The following PPFIBP2 variants were observed in gnomAD, a reference collection of about 807,000 sequenced individuals.
PPFIBP2 encodes PPFIB scaffold protein 2.
Under a neutral mutation model 118.3 loss-of-function variants are expected in PPFIBP2, and 118 were observed. The ratio of observed to expected loss-of-function variants is 1.00; its 90% CI spans 0.86 to 1.16. PPFIBP2 has a LOEUF of 1.16. PPFIBP2 is among the 50% of genes most tolerant of loss of function. The pLI is 0.00. For missense variants in PPFIBP2, 1,195 were observed against 1,073.1 expected, an observed-to-expected ratio of 1.11 and a Z score of -1.59; for synonymous variants, 414 against 397.4, an observed-to-expected ratio of 1.04 and a Z score of -0.50.
intron 23 of PPFIBP2, among the ~76,000 whole-genome samples, chr11:7,652,087 C>G (rs938736865): frequency 1.3e-5 from 2 of 152,260 alleles, no homozygotes; most frequent in African/African-American, 4.8e-5. Context: ...CAGGAAGCAC[C>G]TATCCTCAGG....
intron 12 of PPFIBP2, among the ~76,000 whole-genome samples, chr11:7,633,767 G>A (rs1190873404): frequency 6.6e-6 from 1 of 152,200 alleles, no homozygotes; most frequent in Non-Finnish European, 1.5e-5. Flanking sequence ...TGGTTTATGA[G>A]TTCACTGAGG....
chr11:7,516,340 G>A (rs892062882), intron 1 of PPFIBP2, among the ~76,000 whole-genome samples: 2 of 152,150 alleles, frequency 1.3e-5, no homozygotes, highest in Admixed American at 1.3e-4. Flanking sequence ...AGACTTCGGA[G>A]AGATAGAATC....
At chr11:7,629,357 G>T in intron 9 of PPFIBP2, 102 bp from the exon 10 acceptor site, 2 of 1,148,838 alleles carry the variant, frequency 1.7e-6, no homozygotes, top group East Asian at 2.4e-5. Flanking sequence ...TTCCACGTGG[G>T]ATTTCTTCTC....
chr11:7,653,138 G>T lies in PPFIBP2; in HGVS notation c.2551G>T (p.Val851Phe), dbSNP rs745716640. 2 of 1,614,228 alleles carry T rather than the reference G, an allele frequency of 1.2e-6. No individual in the cohort carries two copies. The highest frequency in any genetic ancestry group is 1.1e-5 in the South Asian group (1 of 91,088). Reference protein sequence around the residue: ...PSDGVSDSHRVYSGYRGLSPL... With the variant: ...PSDGVSDSHRFYSGYRGLSPL... ...TGACGGTGTCAGTGATAGTCACAGG[G>T]TCTACAGTGGCTACCGGGGCCTCAG... The change falls in exon 24 of 24, where the codon GTC becomes TTC. Residue 851 changes from valine to phenylalanine, a missense_variant. Val to Phe is a conservative substitution (Grantham distance 50). Transcript: ENST00000299492.
At chr11:7,665,499 G>A in the PPFIBP2 span, 1 of 1,613,820 alleles carries the variant, frequency 6.2e-7, no homozygotes, top group Non-Finnish European at 8.5e-7. Context: ...GGAGGAAGGT[G>A]CTCCTTGATC....
chr11:7,663,741 C>T, the PPFIBP2 span, among the ~76,000 whole-genome samples: 1 of 152,242 alleles, frequency 6.6e-6, no homozygotes, highest in Non-Finnish European at 1.5e-5. Flanking sequence ...GCGCCCCTCC[C>T]CCAGCCTCGC....
intron 3 of PPFIBP2, among the ~76,000 whole-genome samples, chr11:7,567,937 A>G (rs1200245483): frequency 2.0e-5 from 3 of 152,200 alleles, no homozygotes; most frequent in Admixed American, 1.3e-4. Context: ...CTGGAGACTC[A>G]GTTGAATTAT....
chr11:7,569,618 T>G (rs1404093583), intron 3 of PPFIBP2, among the ~76,000 whole-genome samples: 1 of 152,178 alleles, frequency 6.6e-6, no homozygotes, highest in Non-Finnish European at 1.5e-5. Context: ...TCTTGGGGTC[T>G]AAGATGGGCT....
chr11:7,565,448 C>A (rs1854854925), intron 2 of PPFIBP2, 105 bp from the exon 3 acceptor site: 1 of 1,202,546 alleles, frequency 8.3e-7, no homozygotes, highest in Admixed American at 1.8e-5. Flanking sequence ...CCCCCAGCTT[C>A]TTATCTGTCC....
At chr11:7,548,429 G>A (rs543558001) in intron 1 of PPFIBP2, 1 of 152,364 alleles carries the variant, frequency 6.6e-6, no homozygotes, top group East Asian at 1.9e-4. Context: ...GTTCTCCACA[G>A]CGTGTATGGC....
Position 7,653,564 on chromosome 11 carries a change from C to T in PPFIBP2, c.*346C>T, listed in dbSNP as rs920863833. 1.5e-5 allele frequency: 20 copies of T among 1,311,610 alleles called. No homozygotes were observed. Among genetic ancestry groups the T allele is most frequent in the Non-Finnish European group, 2.0e-5 (20 of 1,004,168 alleles). The allele number at this position is 1,311,610 out of a possible 1,614,324, so 81.2% of individuals were successfully genotyped here. ...AGACCATGGACACTCCCACGAGGCT[C>T]AGCTCTCAGGCACCCCCTACACTTC... On this transcript the variant is annotated 3_prime_UTR_variant, in exon 24 of 24. Coordinates refer to ENST00000299492, the MANE Select transcript of PPFIBP2 (RefSeq NM_003621.5).
intron 6 of PPFIBP2, among the ~76,000 whole-genome samples, chr11:7,619,564 G>A (rs779271188): frequency 2.6e-5 from 4 of 152,222 alleles, no homozygotes; most frequent in Non-Finnish European, 4.4e-5. Context: ...GTTGCTTTGA[G>A]AGGAGCAAGA....
chr11:7,656,417 T>C (rs1351635397), downstream of PPFIBP2, among the ~76,000 whole-genome samples: 1 of 152,214 alleles, frequency 6.6e-6, no homozygotes, highest in East Asian at 1.9e-4. Flanking sequence ...CCAAACAGGA[T>C]CAGTTTTACT....
At chr11:7,622,603 CA>C (rs1295774277) in intron 7 of PPFIBP2, among the ~76,000 whole-genome samples, 1 of 152,102 alleles carries the variant, frequency 6.6e-6, no homozygotes, top group Non-Finnish European at 1.5e-5. Flanking sequence ...AACCATTTTA[CA>C]GATAATGAAA....
chr11:7,587,315 C>G (rs1276574939), intron 3 of PPFIBP2, among the ~76,000 whole-genome samples: 1 of 152,188 alleles, frequency 6.6e-6, no homozygotes, highest in Non-Finnish European at 1.5e-5. Flanking sequence ...TTAGGACTGA[C>G]AGCCCTGTCT....
intron 6 of PPFIBP2, among the ~76,000 whole-genome samples, chr11:7,615,541 G>C (rs1256210602): frequency 6.6e-6 from 1 of 152,180 alleles, no homozygotes; most frequent in Non-Finnish European, 1.5e-5. Flanking sequence ...CACACAAGGG[G>C]CAGTAATGGA....
downstream of PPFIBP2, among the ~76,000 whole-genome samples, chr11:7,654,419 A>G (rs1241536294): frequency 1.3e-5 from 2 of 152,160 alleles, no homozygotes; most frequent in East Asian, 3.8e-4. Context: ...GAAGAGTAAC[A>G]CCACGTCACC....
chr11:7,662,900 A>G, the PPFIBP2 span, among the ~76,000 whole-genome samples: 487 of 137,234 alleles, frequency 3.5e-3, 1 homozygote, highest in Non-Finnish European at 5.5e-3. Flanking sequence ...CTTTTATTTC[A>G]TCTTCCATCA....
At chr11:7,556,958 G>A (rs1397826452) in intron 2 of PPFIBP2, among the ~76,000 whole-genome samples, 2 of 152,216 alleles carry the variant, frequency 1.3e-5, no homozygotes, top group Non-Finnish European at 2.9e-5. Flanking sequence ...GACTCAGTGA[G>A]TGTCTTTAAG....
Sources: gnomAD v4.1 joint callset for allele counts (sites outside exome capture counted in the v4.1 genomes callset) on GRCh38, gnomAD v4.1.1 for gene constraint, MANE v1.5 for transcripts, NCBI Gene and HGNC (gene_info 2026-07-23, HGNC 2026-07-21) for gene names.